The following RPS6KL1 variants were observed in gnomAD, a reference collection of about 807,000 sequenced individuals.
The protein encoded by RPS6KL1 is ribosomal protein S6 kinase-like 1.
Under a neutral mutation model 57.0 loss-of-function variants are expected in RPS6KL1, and 41 were observed. The ratio of observed to expected loss-of-function variants is 0.72; its 90% CI spans 0.56 to 0.93. RPS6KL1 has a LOEUF of 0.93. RPS6KL1 is among the 40% of genes least tolerant of loss of function. The pLI, the probability that RPS6KL1 is intolerant of heterozygous loss-of-function variation, is 0.00. For missense variants in RPS6KL1, 697 were observed against 727.7 expected (o/e 0.96, Z 0.49); for synonymous variants, 287 against 309.7 (o/e 0.93, Z 0.77).
chr14:74,908,493 G>A (rs533247399), intron 10 of RPS6KL1, among the ~76,000 whole-genome samples: 1 of 152,150 alleles, frequency 6.6e-6, no homozygotes, highest in Non-Finnish European at 1.5e-5. Flanking sequence ...GACAGCCAAC[G>A]AGGTCATGGG....
chr14:74,907,661 C>A, intron 10 of RPS6KL1, 131 bp from the exon 11 acceptor site: 1 of 816,646 alleles, frequency 1.2e-6, no homozygotes, highest in Non-Finnish European at 1.9e-6. Flanking sequence ...TTGCTACAGC[C>A]AGACACAGTG....
At chr14:74,910,238 G>C (rs1006531652) in intron 7 of RPS6KL1, 90 bp from the exon 8 acceptor site, 1 of 1,436,216 alleles carries the variant, frequency 7.0e-7, no homozygotes, top group Non-Finnish European at 9.2e-7. Context: ...CCTCCCTTCT[G>C]TCTTGGGCGC....
chr14:74,914,815 C>T lies in RPS6KL1; in HGVS notation c.484-2974G>A, dbSNP rs142330354. ...GCAATCTCTGCCTCCCAAGTTCAAG[C>T]GATTCTCCTGCCTCAGCCTCCCAAG... On this transcript the variant is annotated intron_variant, in intron 5 of 11. Coordinates refer to ENST00000557413, the MANE Select transcript of RPS6KL1 (RefSeq NM_031464.5). Among the ~76,000 whole-genome samples the T allele has an allele frequency of 4.0e-3, 603 of 152,346 alleles. 2 individuals carry two copies. The highest frequency in any genetic ancestry group is 0.014 in the African/African-American group (580 of 41,576).
At chr14:74,914,734 C>G (rs148672141) in intron 5 of RPS6KL1, among the ~76,000 whole-genome samples, 2 of 152,102 alleles carry the variant, frequency 1.3e-5, no homozygotes, top group Non-Finnish European at 2.9e-5. Flanking sequence ...TTTTTTGAGA[C>G]GGAGTTTCAC....
chr14:74,910,374 T>C, intron 7 of RPS6KL1: 1 of 329,764 alleles, frequency 3.0e-6, no homozygotes, highest in South Asian at 1.3e-4. Context: ...CCTTACAAAC[T>C]GGCACACCAC....
intron 7 of RPS6KL1, chr14:74,910,386 G>A (rs1885727582): frequency 1.9e-5 from 8 of 417,452 alleles, no homozygotes; most frequent in South Asian, 1.3e-4. Context: ...GCACACCACC[G>A]AGAGATGTCC....
At chr14:74,914,914 G>A (rs914346115) in intron 5 of RPS6KL1, among the ~76,000 whole-genome samples, 21 of 152,228 alleles carry the variant, frequency 1.4e-4, no homozygotes, top group African/African-American at 4.6e-4. Context: ...GTTTCACCAT[G>A]TTGGTCAGGC....
intron 7 of RPS6KL1, chr14:74,910,993 T>A: frequency 2.7e-6 from 1 of 374,508 alleles, no homozygotes. Context: ...TGCCTCCACC[T>A]CCCAAGTAGC....
At chr14:74,909,036 T>C (rs1885413026) in intron 9 of RPS6KL1, 65 bp downstream of exon 9, 3 of 1,588,348 alleles carry the variant, frequency 1.9e-6, no homozygotes, top group Non-Finnish European at 2.6e-6. Flanking sequence ...ATTCTCAGAC[T>C]CTGGGCACAA....
Position 74,909,561 on chromosome 14 carries a change from G to C in RPS6KL1, c.1252C>G (p.Leu418Val). Residue 418 changes from leucine (L) to valine (V), a missense_variant, in exon 8 of 12, where the codon CTG (leucine) becomes GTG (valine). Physicochemically the swap from Leu to Val is conservative, Grantham distance 32 (BLOSUM62 1). Coordinates refer to ENST00000557413, the MANE Select transcript of RPS6KL1 (RefSeq NM_031464.5). Reference protein sequence around the residue: ...VLCRDLHPGNLLLDQAGHIRL... With the variant: ...VLCRDLHPGNVLLDQAGHIRL... Reference sequence around the variant, plus strand: ...CACCTACCTGCCTGGTCCAGGAGCAGGTTCCCGGGGTGGAGGTCCCGGCAC... The same window carrying C: ...CACCTACCTGCCTGGTCCAGGAGCACGTTCCCGGGGTGGAGGTCCCGGCAC... 1 of 1,604,270 alleles carries C rather than the reference G, an allele frequency of 6.2e-7. No homozygotes were observed. Among genetic ancestry groups the C allele is most frequent in the Middle Eastern group, 1.7e-4 (1 of 5,844 alleles).
At chr14:74,912,377 A>ACTC (rs1213081462) in intron 5 of RPS6KL1, among the ~76,000 whole-genome samples, 1 of 151,556 alleles carries the variant, frequency 6.6e-6, no homozygotes, top group East Asian at 1.9e-4. Flanking sequence ...GACCCCAGAG[A>ACTC]TCAGCTGAGA....
chr14:74,912,667 ACCC>A (rs113092550), intron 5 of RPS6KL1, among the ~76,000 whole-genome samples: 1,860 of 150,490 alleles, frequency 0.012, 33 homozygotes, highest in African/African-American at 0.044. Flanking sequence ...ACTCCACTCC[ACCC>A]CCTTCATTTA....
chr14:74,909,011 C>T lies in RPS6KL1; in HGVS notation c.1361-79G>A, dbSNP rs1333953578. The T allele has an allele frequency of 5.1e-6, 8 of 1,570,078 alleles. No homozygotes were observed. The African/African-American group carries it at 1.1e-4, about 21-fold the overall frequency. ...TTCTCCTCAGCCTACCCAGACACCA[C>T]CCACCCGCTCTGTCATTCTCAGACT... On this transcript the variant is annotated intron_variant, in intron 9 of 11. Coordinates refer to ENST00000557413, the MANE Select transcript of RPS6KL1 (RefSeq NM_031464.5).
rs909443108 is a variant in RPS6KL1 at position 74,909,705 on chromosome 14, C to G, written c.1108G>C (p.Ala370Pro). The change falls in exon 8 of 12, where the codon GCA becomes CCA. Residue 370 changes from alanine (A) to proline (P), a missense_variant. By Grantham distance (27) the Ala-to-Pro change is conservative (BLOSUM62 -1). Transcript: ENST00000557413. ...GRGMDQSCLS[A>P]DGAGRGCGRA... Reference sequence around the variant, plus strand: ...CCACAGCCCCGGCCGGCCCCATCTGCTGACAGGCAGCTCTGATCCATGCCT... The same window carrying G: ...CCACAGCCCCGGCCGGCCCCATCTGGTGACAGGCAGCTCTGATCCATGCCT... 6.2e-7 allele frequency: 1 copy of G among 1,608,982 alleles called. No individual in the cohort carries two copies. The highest frequency in any genetic ancestry group is 8.5e-7 in the Non-Finnish European group (1 of 1,179,884).
rs972219138 is a variant in RPS6KL1 at position 74,905,567 on chromosome 14, CTG to C, written c.*1445_*1446del. On this transcript the variant is annotated 3_prime_UTR_variant, in exon 12 of 12. Coordinates refer to ENST00000557413, the MANE Select transcript of RPS6KL1 (RefSeq NM_031464.5). ...CCCCAAGCTCGCTCTTGACTTCACT[CTG>C]GAGCTTCTACAGGGGAGCCTTCCAA... 5 of 152,220 alleles carry C rather than the reference CTG, an allele frequency of 3.3e-5. No homozygotes were observed. Among genetic ancestry groups the C allele is most frequent in the African/African-American group, 1.2e-4 (5 of 41,410 alleles). 9.4% of individuals were successfully genotyped at this position (152,220 alleles called of 1,614,324 possible). A position where few individuals can be genotyped will look rare whatever the true frequency, so the allele number is the denominator to read the frequency against.
chr14:74,911,577 G>A, intron 6 of RPS6KL1, 197 bp from the exon 7 acceptor site: 1 of 662,392 alleles, frequency 1.5e-6, no homozygotes, highest in Non-Finnish European at 2.5e-6. Context: ...GGGGCAGTGT[G>A]TGTGCATGTG....
chr14:74,922,010 C>G lies in RPS6KL1; in HGVS notation c.-53G>C, dbSNP rs1887943264. On this transcript the variant is annotated 5_prime_UTR_variant, in exon 2 of 12. Transcript: ENST00000557413. ...GCCAGGCTGGTCTTGAACTCCTGAC[C>G]TCAAGTGATCCGTCTGCCTCGGCCT... is the stretch of plus-strand genomic sequence containing the variant. 4.0e-6 allele frequency: 1 copy of G among 251,566 alleles called. No individual in the cohort carries two copies. Among genetic ancestry groups the G allele is most frequent in the Non-Finnish European group, 6.8e-6 (1 of 146,760 alleles). 15.6% of individuals were successfully genotyped at this position (251,566 alleles called of 1,614,324 possible).
chr14:74,919,978 G>A lies in RPS6KL1; in HGVS notation c.266-9C>T, dbSNP rs780600147. ...CTCCTTGTTGGGGTCAACTGTGGGA[G>A]ACAAGAGTCACCAGGGTCCCCAGCC... is the stretch of plus-strand genomic sequence containing the variant. On this transcript the variant is annotated splice_polypyrimidine_tract_variant and intron_variant, in intron 3 of 11. Coordinates refer to ENST00000557413, the MANE Select transcript of RPS6KL1 (RefSeq NM_031464.5). 13 of 1,613,994 alleles carry A rather than the reference G, an allele frequency of 8.1e-6. No individual in the cohort carries two copies. In the South Asian group the frequency reaches 1.2e-4, roughly 15 times the overall value.
chr14:74,919,400 G>C (rs1194800899), intron 4 of RPS6KL1, among the ~76,000 whole-genome samples: 1 of 152,210 alleles, frequency 6.6e-6, no homozygotes, highest in Non-Finnish European at 1.5e-5. Flanking sequence ...AGCCATGTGG[G>C]GACTGTGTGT....
Sources: allele counts gnomAD v4.1 joint callset (sites outside exome capture counted in the v4.1 genomes callset), GRCh38; gene constraint gnomAD v4.1.1; transcripts MANE v1.5; gene names NCBI Gene and HGNC (gene_info 2026-07-23, HGNC 2026-07-21).